The following NALF1 variants were observed in gnomAD, a reference collection of about 807,000 sequenced individuals.
The protein encoded by NALF1 is NALCN channel auxiliary factor 1.
Under a neutral mutation model 48.4 loss-of-function variants are expected in NALF1, and 3 were observed. The ratio of observed to expected loss-of-function variants is 0.06; its 90% CI spans 0.03 to 0.16. The LOEUF is 0.16. Among genes scored for constraint, NALF1 ranks in the 10% least tolerant of loss-of-function variants. The probability of loss-of-function intolerance (pLI) is 1.00; values close to 1 mark genes in which losing one functional copy is unlikely to be tolerated. For missense variants in NALF1, 526 were observed against 571.5 expected, an observed-to-expected ratio of 0.92 and a Z score of 0.81; for synonymous variants, 262 against 245.7, an observed-to-expected ratio of 1.07 and a Z score of -0.62.
intron 1 of NALF1, among the ~76,000 whole-genome samples, chr13:107,788,134 G>A (rs1247634661): frequency 1.3e-5 from 2 of 152,164 alleles, no homozygotes; most frequent in Admixed American, 1.3e-4. Context: ...CTCCTTGTTT[G>A]AATCCTGTCT....
At chr13:107,347,470 C>T (rs922697419) in intron 1 of NALF1, among the ~76,000 whole-genome samples, 3 of 152,170 alleles carry the variant, frequency 2.0e-5, no homozygotes, top group Non-Finnish European at 4.4e-5. Context: ...AAAAAAGGTA[C>T]GTAGAATAGT....
intron 1 of NALF1, among the ~76,000 whole-genome samples, chr13:107,549,734 T>C (rs540130633): frequency 6.6e-6 from 1 of 152,266 alleles, no homozygotes; most frequent in African/African-American, 2.4e-5. Flanking sequence ...CTCATAACCA[T>C]ACTACAAGGA....
chr13:107,798,173 TCAA>T (rs1312330440), intron 1 of NALF1, among the ~76,000 whole-genome samples: 1 of 152,190 alleles, frequency 6.6e-6, no homozygotes, highest in Non-Finnish European at 1.5e-5. Flanking sequence ...ATCTGTCCAT[TCAA>T]CAACAATGAG....
chr13:107,774,025 CT>C (rs1877656164), intron 1 of NALF1, among the ~76,000 whole-genome samples: 1 of 152,102 alleles, frequency 6.6e-6, no homozygotes, highest in Middle Eastern at 3.2e-3. Context: ...TTAAGTCAGC[CT>C]GTTATGCTTC....
chr13:107,464,814 C>T (rs1884974549), intron 1 of NALF1, among the ~76,000 whole-genome samples: 1 of 152,126 alleles, frequency 6.6e-6, no homozygotes, highest in African/African-American at 2.4e-5. Flanking sequence ...GCCACCACAC[C>T]CGGCGGCAAT....
intron 1 of NALF1, among the ~76,000 whole-genome samples, chr13:107,552,706 T>G (rs947152342): frequency 2.0e-5 from 3 of 152,110 alleles, no homozygotes; most frequent in African/African-American, 7.2e-5. Flanking sequence ...GATTCGGACT[T>G]TATTATAAAA....
intron 1 of NALF1, among the ~76,000 whole-genome samples, chr13:107,406,016 C>T (rs950521782): frequency 5.3e-5 from 8 of 152,102 alleles, no homozygotes; most frequent in Middle Eastern, 3.4e-3. Flanking sequence ...CAAACTTTTC[C>T]GTGGTGCCTA....
At chr13:107,480,893 T>C (rs1003853555) in intron 1 of NALF1, among the ~76,000 whole-genome samples, 2 of 152,158 alleles carry the variant, frequency 1.3e-5, no homozygotes, top group African/African-American at 4.8e-5. Context: ...AACATACTGA[T>C]GAAGGCTTTC....
intron 1 of NALF1, among the ~76,000 whole-genome samples, chr13:107,224,445 T>TATATAATATAAATATAATACAAATTAC (rs1880060442): frequency 6.7e-6 from 1 of 148,732 alleles, no homozygotes; most frequent in Non-Finnish European, 1.5e-5. Context: ...ATACAAATTA[T>TATATAATATAAATATAATACAAATTAC]ATATAATATA....
intron 1 of NALF1, among the ~76,000 whole-genome samples, chr13:107,274,800 A>G (rs1280515952): frequency 3.3e-5 from 5 of 152,176 alleles, no homozygotes; most frequent in Non-Finnish European, 5.9e-5. Flanking sequence ...ATGTAAGAGA[A>G]TACTGACAGG....
chr13:107,794,787 T>C (rs550567673), intron 1 of NALF1, among the ~76,000 whole-genome samples: 5 of 152,270 alleles, frequency 3.3e-5, no homozygotes, highest in Non-Finnish European at 4.4e-5. Context: ...TAATTATTTT[T>C]ATCTGTCCTT....
intron 1 of NALF1, among the ~76,000 whole-genome samples, chr13:107,669,148 T>C (rs1880931001): frequency 6.6e-6 from 1 of 152,088 alleles, no homozygotes; most frequent in Admixed American, 6.6e-5. Flanking sequence ...ACCCTAGGCC[T>C]AATACACAGA....
At chr13:107,572,083 T>G (rs1194035128) in intron 1 of NALF1, among the ~76,000 whole-genome samples, 1 of 152,214 alleles carries the variant, frequency 6.6e-6, no homozygotes, top group Non-Finnish European at 1.5e-5. Flanking sequence ...CAAAAATCTA[T>G]AATTCACATT....
intron 1 of NALF1, among the ~76,000 whole-genome samples, chr13:107,748,859 G>C (rs72657230): frequency 0.1 from 15,675 of 152,154 alleles, 1,215 homozygotes; most frequent in African/African-American, 0.22. Flanking sequence ...AGAAGGAATT[G>C]GAGGAAGCTA....
intron 1 of NALF1, among the ~76,000 whole-genome samples, chr13:107,617,678 G>T (rs1879416660): frequency 6.6e-6 from 1 of 152,144 alleles, no homozygotes; most frequent in African/African-American, 2.4e-5. Context: ...GGTAGATAAA[G>T]CAGCATAGGC....
chr13:107,418,998 TAA>T (rs1242883610), intron 1 of NALF1, among the ~76,000 whole-genome samples: 2 of 152,300 alleles, frequency 1.3e-5, no homozygotes, highest in Admixed American at 6.5e-5. Flanking sequence ...GCTGAGTATA[TAA>T]AATCATAATT....
At chr13:107,457,359 C>G (rs1178965473) in intron 1 of NALF1, among the ~76,000 whole-genome samples, 1 of 152,074 alleles carries the variant, frequency 6.6e-6, no homozygotes, top group African/African-American at 2.4e-5. Flanking sequence ...TTCAGATTAC[C>G]TATGAATGTA....
rs1302798891 is a variant in NALF1 at position 107,399,595 on chromosome 13, C to A, written c.916-188840G>T. Among the ~76,000 whole-genome samples the A allele has an allele frequency of 2.0e-5, 3 of 152,184 alleles. No individual in the cohort carries two copies. The South Asian group carries it at 6.2e-4, about 32-fold the overall frequency. ...ACCATCATGAAACTTTCATCCTAAT[C>A]CTTTTACCTACAAAATGCTTGTTGA... On this transcript the variant is annotated intron_variant, in intron 1 of 2. Transcript: ENST00000375915.
In NALF1 at chr13:107,362,532, G is replaced by A. The variant is rs368322506; in HGVS notation, c.916-151777C>T. Among the ~76,000 whole-genome samples, 8 of 152,044 alleles carry A rather than the reference G, an allele frequency of 5.3e-5. No homozygotes were observed. Among genetic ancestry groups the A allele is most frequent in the African/African-American group, 7.2e-5 (3 of 41,410 alleles). Reference sequence around the variant, plus strand: ...ACTTGGCATTCTCCTGTGTGTCCTCGTCGCGGGGCATTCTCCTCTCCTTAT... The same window carrying A: ...ACTTGGCATTCTCCTGTGTGTCCTCATCGCGGGGCATTCTCCTCTCCTTAT... On this transcript the variant is annotated intron_variant, in intron 1 of 2. Transcript: ENST00000375915. The surrounding 1 kb of genome is among the most constrained non-coding windows in gnomAD (Gnocchi z 4.6).
Sources: allele counts gnomAD v4.1 joint callset (sites outside exome capture counted in the v4.1 genomes callset), GRCh38; gene constraint gnomAD v4.1.1; non-coding constraint Gnocchi (gnomAD v3.1); transcripts MANE v1.5; gene names NCBI Gene and HGNC (gene_info 2026-07-23, HGNC 2026-07-21).